The following GALNT18 variants were observed in gnomAD, a reference collection of about 807,000 sequenced individuals.
The protein encoded by GALNT18 is polypeptide N-acetylgalactosaminyltransferase 18.
GALNT18 carries 44 observed loss-of-function variants against 69.5 expected under a neutral mutation model. The observed-to-expected ratio is 0.63, with a 90% CI of 0.50 to 0.81. The LOEUF (loss-of-function observed/expected upper bound fraction) is 0.81. Ranked by LOEUF, GALNT18 falls within the 40% of genes least tolerant of loss-of-function variation. The pLI, the probability that GALNT18 is intolerant of heterozygous loss-of-function variation, is 0.00. For missense variants in GALNT18, 715 were observed against 810.0 expected (o/e 0.88, Z 1.42); for synonymous variants, 364 against 318.2 (o/e 1.14, Z -1.53).
chr11:11,416,825 C>T (rs1388860166), intron 3 of GALNT18, among the ~76,000 whole-genome samples: 2 of 152,194 alleles, frequency 1.3e-5, no homozygotes, highest in Non-Finnish European at 2.9e-5. Context: ...GCGTGGCGAG[C>T]CATGGCACCT....
chr11:11,412,386 G>A (rs574266417), intron 3 of GALNT18, among the ~76,000 whole-genome samples: 1 of 152,322 alleles, frequency 6.6e-6, no homozygotes, highest in South Asian at 2.1e-4. Flanking sequence ...AACTGCTGAA[G>A]CTTTGGATCC....
chr11:11,485,800 G>C (rs1468693545), intron 1 of GALNT18, among the ~76,000 whole-genome samples: 1 of 152,226 alleles, frequency 6.6e-6, no homozygotes, highest in Non-Finnish European at 1.5e-5. Flanking sequence ...AGGCCAGCAA[G>C]CTGACATGAG....
At chr11:11,281,631 T>A (rs963316941) in intron 10 of GALNT18, among the ~76,000 whole-genome samples, 3 of 152,020 alleles carry the variant, frequency 2.0e-5, no homozygotes, top group African/African-American at 7.3e-5. Flanking sequence ...CTTGCCAAGG[T>A]CTAGAGAGGA....
intron 10 of GALNT18, among the ~76,000 whole-genome samples, chr11:11,273,651 GAAAAT>G (rs1318564458): frequency 1.3e-5 from 2 of 152,082 alleles, no homozygotes; most frequent in African/African-American, 2.4e-5. Flanking sequence ...TCAAAAAACT[GAAAAT>G]AAAACTACTG....
chr11:11,389,499 CTG>C lies in GALNT18; in HGVS notation c.596-10237_596-10236del, dbSNP rs751789115. 2.0e-5 allele frequency among the ~76,000 whole-genome samples: 3 copies of C among 152,208 alleles called. No individual in the cohort carries two copies. The highest frequency in any genetic ancestry group is 4.4e-5 in the Non-Finnish European group (3 of 68,044). On this transcript the variant is annotated intron_variant, in intron 3 of 10. Transcript: ENST00000227756. The surrounding 1 kb of genome is among the most constrained non-coding windows in gnomAD (Gnocchi z 4.3). ...TAAAGGTGGGGCAATGGACCAAACA[CTG>C]TGAAATTACTTACAGAGCAAGAACT...
At position 11,563,230 on chromosome 11, in the gene GALNT18, A is replaced by G. The variant is rs933312017; in HGVS notation, c.235+58129T>C. On this transcript the variant is annotated intron_variant, in intron 1 of 10. Coordinates refer to ENST00000227756, the MANE Select transcript of GALNT18 (RefSeq NM_198516.3). The surrounding 1 kb of genome is among the most constrained non-coding windows in gnomAD (Gnocchi z 4.6). The stretch of plus-strand genomic sequence containing the variant: ...GCCATAATGTGGCTGTTCACCTTGC[A>G]CCTCCCCGGATCAAGAGACTTGGCT... Among the ~76,000 whole-genome samples, 3 of 151,546 alleles carry G rather than the reference A, an allele frequency of 2.0e-5. No homozygotes were observed. Among genetic ancestry groups the G allele is most frequent in the Admixed American group, 2.0e-4 (3 of 15,222 alleles).
At chr11:11,491,578 T>C (rs983802605) in intron 1 of GALNT18, among the ~76,000 whole-genome samples, 3 of 152,240 alleles carry the variant, frequency 2.0e-5, no homozygotes, top group African/African-American at 7.2e-5. Flanking sequence ...AACCTCCCTA[T>C]GGATTTGGTT....
At chr11:11,557,148 G>A (rs1858351288) in intron 1 of GALNT18, among the ~76,000 whole-genome samples, 1 of 152,140 alleles carries the variant, frequency 6.6e-6, no homozygotes. Flanking sequence ...TGTCACAGAG[G>A]TGCCTCCAGA....
chr11:11,329,697 T>TC (rs1244665964), intron 8 of GALNT18, among the ~76,000 whole-genome samples: 1 of 152,190 alleles, frequency 6.6e-6, no homozygotes, highest in African/African-American at 2.4e-5. Flanking sequence ...TCACTGTATA[T>TC]CATACAGGCC....
In GALNT18 at chr11:11,578,232, T is replaced by C. The variant is rs1407580360; in HGVS notation, c.235+43127A>G. On this transcript the variant is annotated intron_variant, in intron 1 of 10. Coordinates refer to ENST00000227756, the MANE Select transcript of GALNT18 (RefSeq NM_198516.3). ...TGAGTCAGGAGAACCCCAGCAGCCATCAGGTTTGTACAAGGATCTGGGGCT... is the reference window on the plus strand; with the variant it reads ...TGAGTCAGGAGAACCCCAGCAGCCACCAGGTTTGTACAAGGATCTGGGGCT... Among the ~76,000 whole-genome samples the C allele has an allele frequency of 4.0e-5, 6 of 149,328 alleles. No individual in the cohort carries two copies. The East Asian group carries it at 1.2e-3, about 30-fold the overall frequency.
At chr11:11,594,325 A>G (rs1565032306) in intron 1 of GALNT18, among the ~76,000 whole-genome samples, 2 of 152,236 alleles carry the variant, frequency 1.3e-5, no homozygotes, top group Non-Finnish European at 2.9e-5. Flanking sequence ...TACAACTTTC[A>G]TACCATAACA....
Position 11,439,219 on chromosome 11 carries a change from T to G in GALNT18, c.429-6432A>C, listed in dbSNP as rs568872256. On this transcript the variant is annotated intron_variant, in intron 2 of 10. Transcript: ENST00000227756. The surrounding 1 kb of genome is among the most constrained non-coding windows in gnomAD (Gnocchi z 4.4). ...AGAAGGGCGTTGTCAGTGAGTGAACTGTAGACGTGGACATGAAGTCACTGT... is the reference window on the plus strand; with the variant it reads ...AGAAGGGCGTTGTCAGTGAGTGAACGGTAGACGTGGACATGAAGTCACTGT... 6.6e-6 allele frequency among the ~76,000 whole-genome samples: 1 copy of G among 152,144 alleles called. No individual in the cohort carries two copies.
rs1853933932 is a variant in GALNT18 at position 11,382,030 on chromosome 11, C to T, written c.596-2766G>A. ...AGGAAGAATGAGCTTTGAGGGGTGG[C>T]AGCAAGAGATGGAAAGCTTTGCTTC... On this transcript the variant is annotated intron_variant, in intron 3 of 10. Coordinates refer to ENST00000227756, the MANE Select transcript of GALNT18 (RefSeq NM_198516.3). This position sits in a 1 kb window ranked among gnomAD's most constrained non-coding sequence, Gnocchi z 4.3. Among the ~76,000 whole-genome samples the T allele has an allele frequency of 6.6e-6, 1 of 152,166 alleles. No homozygotes were observed. Among genetic ancestry groups the T allele is most frequent in the African/African-American group, 2.4e-5 (1 of 41,448 alleles).
At chr11:11,400,141 G>A (rs1225246364) in intron 3 of GALNT18, among the ~76,000 whole-genome samples, 2 of 151,824 alleles carry the variant, frequency 1.3e-5, no homozygotes, top group African/African-American at 2.4e-5. Flanking sequence ...TATGGAGGAA[G>A]CCAACTGCCA....
At position 11,372,995 on chromosome 11, in the gene GALNT18, A is replaced by G. The variant is rs1343617220; in HGVS notation, c.978-366T>C. 1.3e-5 allele frequency among the ~76,000 whole-genome samples: 2 copies of G among 152,108 alleles called. No homozygotes were observed. The highest frequency in any genetic ancestry group is 2.4e-5 in the African/African-American group (1 of 41,402). On this transcript the variant is annotated intron_variant, in intron 5 of 10. Transcript: ENST00000227756. This position sits in a 1 kb window ranked among gnomAD's most constrained non-coding sequence, Gnocchi z 4.9. ...CTGTTCCTGCTTGGGAATGCATACC[A>G]GCTTTCTTACCCTTCCCCAACTTGG... is the stretch of plus-strand genomic sequence containing the variant.
chr11:11,585,405 GA>G lies in GALNT18; in HGVS notation c.235+35953del, dbSNP rs144177857. Among the ~76,000 whole-genome samples the G allele has an allele frequency of 6.8e-3, 1,029 of 150,902 alleles. 9 individuals are homozygous for G. Among genetic ancestry groups the G allele is most frequent in the African/African-American group, 0.024 (984 of 41,046 alleles). Reference sequence around the variant, plus strand: ...AGTTTTGCTCTTATTGCCCAGGCTGGAGTACAATGGCGTGATCTTGGCTCAC... The same window carrying G: ...AGTTTTGCTCTTATTGCCCAGGCTGGGTACAATGGCGTGATCTTGGCTCAC... On this transcript the variant is annotated intron_variant, in intron 1 of 10. Coordinates refer to ENST00000227756, the MANE Select transcript of GALNT18 (RefSeq NM_198516.3).
At chr11:11,550,075 G>T (rs1212921743) in intron 1 of GALNT18, among the ~76,000 whole-genome samples, 1 of 152,216 alleles carries the variant, frequency 6.6e-6, no homozygotes, top group Non-Finnish European at 1.5e-5. Flanking sequence ...CAGCCCTAGA[G>T]AGCAGAGAAT....
chr11:11,325,622 C>T (rs538213917), intron 9 of GALNT18, among the ~76,000 whole-genome samples: 2 of 152,232 alleles, frequency 1.3e-5, no homozygotes, highest in African/African-American at 2.4e-5. Flanking sequence ...GGCAGCAATA[C>T]TCTTATTTTT....
intron 1 of GALNT18, among the ~76,000 whole-genome samples, chr11:11,531,168 G>T (rs986398927): frequency 1.3e-5 from 2 of 152,226 alleles, no homozygotes; most frequent in African/African-American, 4.8e-5. Context: ...TAAATCCATA[G>T]CTGCCTTCAG....
Sources: gnomAD v4.1 joint callset for allele counts (sites outside exome capture counted in the v4.1 genomes callset) on GRCh38, gnomAD v4.1.1 for gene constraint, Gnocchi (gnomAD v3.1) non-coding constraint, MANE v1.5 for transcripts, NCBI Gene and HGNC (gene_info 2026-07-23, HGNC 2026-07-21) for gene names.